SMPD3: variants seen among roughly 807,000 people sequenced by gnomAD.
The protein encoded by SMPD3 is sphingomyelin phosphodiesterase 3.
A neutral mutation model predicts 55.7 loss-of-function variants in SMPD3; 21 were observed. The observed-to-expected ratio is 0.38, with a 90% CI of 0.27 to 0.54. SMPD3 has a LOEUF of 0.54. Among genes scored for constraint, SMPD3 ranks in the 20% least tolerant of loss-of-function variants. The pLI is 0.80. For synonymous variants in SMPD3, 457 were observed against 404.3 expected (o/e 1.13, Z -1.56); for missense variants, 842 against 899.6 (o/e 0.94, Z 0.82).
intron 1 of SMPD3, among the ~76,000 whole-genome samples, chr16:68,417,301 C>T (rs1040623818): frequency 2.0e-5 from 3 of 152,256 alleles, no homozygotes; most frequent in South Asian, 2.1e-4. Context: ...CTTCACTTCC[C>T]TGAACTCATC....
At chr16:68,425,112 T>A (rs1204271915) in intron 1 of SMPD3, among the ~76,000 whole-genome samples, 1 of 152,238 alleles carries the variant, frequency 6.6e-6, no homozygotes, top group African/African-American at 2.4e-5. Context: ...GGGCCTCAGC[T>A]GATGGGATGG....
chr16:68,361,045 G>C lies in SMPD3; in HGVS notation c.*161C>G, dbSNP rs2089229984. 3 of 651,386 alleles carry C rather than the reference G, an allele frequency of 4.6e-6. No homozygotes were observed. The South Asian group carries it at 5.8e-5, about 13-fold the overall frequency. The allele number at this position is 651,386 out of a possible 1,614,324, so 40.4% of individuals were successfully genotyped here. On this transcript the variant is annotated 3_prime_UTR_variant, in exon 9 of 9. Coordinates refer to ENST00000219334, the MANE Select transcript of SMPD3 (RefSeq NM_018667.4). ...TCCTCTGTCCACAGTGAGGCCCAGA[G>C]GCGCAGAGCAGCGCAGCTTCCAGGT...
chr16:68,369,296 G>A (rs968112218), intron 3 of SMPD3: 11 of 152,218 alleles, frequency 7.2e-5, no homozygotes, highest in African/African-American at 2.7e-4. Context: ...GACCCAGGAG[G>A]TAGAGGAAGA....
chr16:68,427,096 G>A (rs1024262445), intron 1 of SMPD3, among the ~76,000 whole-genome samples: 3 of 150,134 alleles, frequency 2.0e-5, no homozygotes, highest in Non-Finnish European at 4.4e-5. Flanking sequence ...TCCGGGGTTC[G>A]AGCGGTTCTC....
rs776552970 is a variant in SMPD3, at chr16:68,361,193, T to A, written c.*13A>T. ...CTGCAAGGGCTGGCAGAGGCCCCGC[T>A]GCTCCGGACGGTCTATGCCTCCTCC... is the stretch of plus-strand genomic sequence containing the variant. On this transcript the variant is annotated 3_prime_UTR_variant, in exon 9 of 9. Transcript: ENST00000219334. The A allele has an allele frequency of 6.2e-6, 10 of 1,611,556 alleles. No individual in the cohort carries two copies. The highest frequency in any genetic ancestry group is 1.7e-4 in the Middle Eastern group (1 of 6,056).
At chr16:68,408,806 T>C (rs868612437) in intron 1 of SMPD3, among the ~76,000 whole-genome samples, 1 of 152,240 alleles carries the variant, frequency 6.6e-6, no homozygotes, top group Admixed American at 6.5e-5. Flanking sequence ...CTGAGGTTTC[T>C]GCCTGGTACT....
intron 1 of SMPD3, among the ~76,000 whole-genome samples, chr16:68,387,508 G>A (rs1320415228): frequency 3.9e-5 from 6 of 152,088 alleles, no homozygotes; most frequent in African/African-American, 1.2e-4. Flanking sequence ...TGCTGGCCCC[G>A]CCCCTGATCC....
Position 68,364,696 on chromosome 16 carries a change from G to A in SMPD3, c.1555+55C>T, listed in dbSNP as rs1007365490. 6 of 1,559,054 alleles carry A rather than the reference G, an allele frequency of 3.8e-6. No individual in the cohort carries two copies. The African/African-American group carries it at 6.8e-5, about 18-fold the overall frequency. ...TAACGAAGTCTGTCTAGCTGTGACT[G>A]AGCCCACAGCCTCCCCAGAGCTGGA... On this transcript the variant is annotated intron_variant, in intron 5 of 8. Transcript: ENST00000219334.
chr16:68,390,986 A>G (rs959388614), intron 1 of SMPD3, among the ~76,000 whole-genome samples: 1 of 152,228 alleles, frequency 6.6e-6, no homozygotes, highest in Non-Finnish European at 1.5e-5. Context: ...TTGATCTTCC[A>G]GTGAGGTGGA....
At chr16:68,388,286 C>T (rs1253421641) in intron 1 of SMPD3, among the ~76,000 whole-genome samples, 1 of 152,042 alleles carries the variant, frequency 6.6e-6, no homozygotes, top group Non-Finnish European at 1.5e-5. Flanking sequence ...CCTGGGGAGT[C>T]CAGCCTGCCG....
rs1271638670 is a variant in SMPD3, at chr16:68,398,341, G to A, written c.-268-11682C>T. ...ACTTTTTCCTTTTTCACTTAGAATA[G>A]CTGGAAAAGGAGGGCCCTACGTGGC... On this transcript the variant is annotated intron_variant, in intron 1 of 8. Coordinates refer to ENST00000219334, the MANE Select transcript of SMPD3 (RefSeq NM_018667.4). 2.0e-5 allele frequency among the ~76,000 whole-genome samples: 3 copies of A among 152,178 alleles called. No individual in the cohort carries two copies. In the East Asian group the frequency reaches 5.8e-4, roughly 29 times the overall value.
chr16:68,380,149 GCACCTAGA>G (rs1787085804), intron 2 of SMPD3, among the ~76,000 whole-genome samples: 1 of 152,232 alleles, frequency 6.6e-6, no homozygotes, highest in Non-Finnish European at 1.5e-5. Context: ...ATGGAGGCTG[GCACCTAGA>G]CCCACGTCTG....
At chr16:68,382,204 G>A (rs958585985) in intron 2 of SMPD3, 4 of 152,302 alleles carry the variant, frequency 2.6e-5, no homozygotes, top group African/African-American at 9.6e-5. Flanking sequence ...GGAAACCTCT[G>A]CCAGGGGTCA....
In SMPD3 at chr16:68,363,562, G is replaced by A. The variant is rs756547242; in HGVS notation, c.1646-3C>T. ...GCCGTTCGTGTCCAGCAGAGTACCT[G>A]GGGGGGACGAGGGGGTGACAGTGGT... On this transcript the variant is annotated splice_polypyrimidine_tract_variant and splice_region_variant and intron_variant, in intron 6 of 8. Coordinates refer to ENST00000219334, the MANE Select transcript of SMPD3 (RefSeq NM_018667.4). 7.4e-6 allele frequency: 12 copies of A among 1,611,942 alleles called. No individual in the cohort carries two copies. The African/African-American group carries it at 1.1e-4, about 14-fold the overall frequency.
At chr16:68,412,514 C>T (rs1437215524) in intron 1 of SMPD3, among the ~76,000 whole-genome samples, 1 of 152,196 alleles carries the variant, frequency 6.6e-6, no homozygotes, top group Non-Finnish European at 1.5e-5. Context: ...GTGGCCACAG[C>T]ACCCCCAGTC....
intron 1 of SMPD3, among the ~76,000 whole-genome samples, chr16:68,405,585 CA>C (rs970569415): frequency 1.1e-4 from 16 of 140,082 alleles, no homozygotes; most frequent in Non-Finnish European, 2.4e-4. Context: ...AAAGAAAATA[CA>C]AAAAGAGAAT....
intron 1 of SMPD3, among the ~76,000 whole-genome samples, chr16:68,438,985 A>G (rs1351767578): frequency 3.3e-5 from 5 of 152,312 alleles, no homozygotes; most frequent in Admixed American, 2.6e-4. Context: ...AAGTAAGGAT[A>G]ATAATGGTAT....
intron 1 of SMPD3, among the ~76,000 whole-genome samples, chr16:68,392,545 T>C (rs533937085): frequency 6.6e-6 from 1 of 152,186 alleles, no homozygotes; most frequent in Non-Finnish European, 1.5e-5. Context: ...GCCCCTGATC[T>C]GATAACATTA....
At chr16:68,446,828 C>T (rs1003146873) in intron 1 of SMPD3, among the ~76,000 whole-genome samples, 2 of 152,214 alleles carry the variant, frequency 1.3e-5, no homozygotes, top group African/African-American at 4.8e-5. Flanking sequence ...GTCCTGAACA[C>T]CCCCACTCTC....
Sources: allele counts gnomAD v4.1 joint callset (sites outside exome capture counted in the v4.1 genomes callset), GRCh38; gene constraint gnomAD v4.1.1; transcripts MANE v1.5; gene names NCBI Gene and HGNC (gene_info 2026-07-23, HGNC 2026-07-21).